MAP3K2: variants seen among roughly 807,000 people sequenced by gnomAD.
The protein encoded by MAP3K2 is MAP/ERK kinase kinase 2.
MAP3K2 carries 24 observed loss-of-function variants against 80.3 expected under a neutral mutation model. The ratio of observed to expected loss-of-function variants is 0.30; its 90% CI spans 0.22 to 0.42. The LOEUF is 0.42. Among genes scored for constraint, MAP3K2 ranks in the 10% least tolerant of loss-of-function variants. The probability of loss-of-function intolerance (pLI) is 1.00; values close to 1 mark genes in which losing one functional copy is unlikely to be tolerated. For synonymous variants in MAP3K2, 244 were observed against 253.7 expected (o/e 0.96, Z 0.36); for missense variants, 608 against 750.1 (o/e 0.81, Z 2.21).
Position 127,353,356 on chromosome 2 carries a change from G to A in MAP3K2, c.-65-10162C>T, listed in dbSNP as rs1366107539. Among the ~76,000 whole-genome samples, 13 of 151,676 alleles carry A rather than the reference G, an allele frequency of 8.6e-5. 1 individual carries two copies. Among genetic ancestry groups the A allele is most frequent in the African/African-American group, 2.7e-4 (11 of 41,220 alleles). On this transcript the variant is annotated intron_variant, in intron 1 of 16. Coordinates refer to ENST00000682094, the MANE Select transcript of MAP3K2 (RefSeq NM_001371910.2). ...AGCGCCTCCGCCCGGCCGTGACCCCGTCTGCGAGGTGAGGAGCATCTCCGC... is the reference window on the plus strand; with the variant it reads ...AGCGCCTCCGCCCGGCCGTGACCCCATCTGCGAGGTGAGGAGCATCTCCGC...
At chr2:127,353,827 G>T (rs1289551956) in intron 1 of MAP3K2, among the ~76,000 whole-genome samples, 2 of 152,214 alleles carry the variant, frequency 1.3e-5, no homozygotes, top group East Asian at 3.9e-4. Context: ...AAAAGATTGA[G>T]AAATCGGATG....
Position 127,325,798 on chromosome 2 carries a change from G to A in MAP3K2, c.607C>T (p.Pro203Ser), listed in dbSNP as rs1339666601. ...IPESMDQMLD[P>S]LSLSSPENSG... ...TTTTCAGGGCTGCTTAAAGATAATG[G>A]ATCCAGCATCTAGGAAAAAAAGGAG... Residue 203 changes from proline (P) to serine (S), a missense_variant, in exon 9 of 17, where the codon CCA (proline) becomes TCA (serine). By Grantham distance (74) the Pro-to-Ser change is moderately conservative (BLOSUM62 -1). This residue lies in a region of MAP3K2 where 467 missense variants were observed against 521.9 expected (regional missense o/e 0.89). Transcript: ENST00000682094. 1.2e-6 allele frequency: 2 copies of A among 1,612,050 alleles called. No individual in the cohort carries two copies. The highest frequency in any genetic ancestry group is 1.7e-6 in the Non-Finnish European group (2 of 1,178,732).
intron 1 of MAP3K2, among the ~76,000 whole-genome samples, chr2:127,350,183 A>G (rs1271968076): frequency 2.0e-5 from 3 of 152,140 alleles, no homozygotes; most frequent in Non-Finnish European, 2.9e-5. Flanking sequence ...GAAAGAAAGC[A>G]CATAAAGACT....
chr2:127,317,512 C>G, intron 14 of MAP3K2, 117 bp downstream of exon 14: 1 of 823,580 alleles, frequency 1.2e-6, no homozygotes, highest in Non-Finnish European at 1.8e-6. Context: ...ATTTAAAACT[C>G]TTCCAAAATG....
intron 3 of MAP3K2, among the ~76,000 whole-genome samples, chr2:127,338,365 T>C (rs1419026265): frequency 6.6e-6 from 1 of 152,168 alleles, no homozygotes; most frequent in Non-Finnish European, 1.5e-5. Context: ...CAGGGGTACA[T>C]GAGCAGTTTT....
chr2:127,334,951 A>G (rs1686336440), intron 5 of MAP3K2, among the ~76,000 whole-genome samples: 1 of 151,966 alleles, frequency 6.6e-6, no homozygotes, highest in South Asian at 2.1e-4. Flanking sequence ...TTGTATTTTT[A>G]GTAGAGATGG....
intron 1 of MAP3K2, among the ~76,000 whole-genome samples, chr2:127,362,847 C>T (rs1443472070): frequency 6.6e-6 from 1 of 152,144 alleles, no homozygotes; most frequent in Non-Finnish European, 1.5e-5. Context: ...AAATAGCTAA[C>T]ATTTATTAGG....
intron 1 of MAP3K2, among the ~76,000 whole-genome samples, chr2:127,360,833 T>C (rs1027217173): frequency 2.0e-5 from 3 of 152,216 alleles, no homozygotes; most frequent in African/African-American, 4.8e-5. Flanking sequence ...TATATCCTAA[T>C]TGCAAGTATT....
In MAP3K2 at chr2:127,310,519, G is replaced by A. The variant is rs779669054; in HGVS notation, c.1457-1757C>T. Among the ~76,000 whole-genome samples the A allele has an allele frequency of 6.6e-6, 1 of 152,160 alleles. No homozygotes were observed. Among genetic ancestry groups the A allele is most frequent in the Non-Finnish European group, 1.5e-5 (1 of 68,034 alleles). ...ACAAAAAAATTAGCTGGGCATGGTA[G>A]CATGTGCCTGCAGTCCCAGCTACTT... On this transcript the variant is annotated intron_variant, in intron 15 of 16. Transcript: ENST00000682094. The surrounding 1 kb of genome is among the most constrained non-coding windows in gnomAD (Gnocchi z 4.8).
In MAP3K2 at chr2:127,387,494, G is replaced by C; in HGVS notation, c.-108C>G. The C allele has an allele frequency of 2.0e-6, 2 of 984,992 alleles. No individual in the cohort carries two copies. Among genetic ancestry groups the C allele is most frequent in the Non-Finnish European group, 2.4e-6 (2 of 829,840 alleles). The allele number at this position is 984,992 out of a possible 1,614,324, so 61.0% of individuals were successfully genotyped here. On this transcript the variant is annotated 5_prime_UTR_variant, in exon 1 of 17. Transcript: ENST00000682094. ...CGTAGAGAGCCGCAGGCCCAAGGAG[G>C]GGCCGCCCCCGCCGAGCCCGCCCCT...
chr2:127,322,059 G>A lies in MAP3K2; in HGVS notation c.1032C>T (p.Ser344=), dbSNP rs748303413. ...TCTATTACTTACAACGGCTGGGTGG[G>A]CTGATGTCCATTACGGTCAAAGTAG... ...DNPTLTVMDI[S]PPSRSPRAPT... The change falls in exon 12 of 17, where the codon AGC becomes AGT. Residue 344 remains serine, a synonymous_variant. Transcript: ENST00000682094. The surrounding 1 kb of genome is among the most constrained non-coding windows in gnomAD (Gnocchi z 4.2). 17 of 1,613,044 alleles carry A rather than the reference G, an allele frequency of 1.1e-5. 1 individual carries two copies. The South Asian group carries it at 1.9e-4, about 18-fold the overall frequency.
intron 12 of MAP3K2, among the ~76,000 whole-genome samples, chr2:127,318,810 G>A (rs1685956866): frequency 6.6e-6 from 1 of 152,158 alleles, no homozygotes. Flanking sequence ...CAACTAACCT[G>A]AAATCTAAGG....
intron 13 of MAP3K2, among the ~76,000 whole-genome samples, 180 bp downstream of exon 13, chr2:127,317,989 T>A (rs1278604092): frequency 6.7e-6 from 1 of 148,630 alleles, no homozygotes; most frequent in Non-Finnish European, 1.5e-5. Flanking sequence ...AAATCCATAT[T>A]AAAAAATAGA....
intron 1 of MAP3K2, among the ~76,000 whole-genome samples, chr2:127,355,664 G>A (rs989803583): frequency 6.6e-6 from 1 of 152,044 alleles, no homozygotes; most frequent in Non-Finnish European, 1.5e-5. Flanking sequence ...TGAAGGTTGG[G>A]GTGACTAGGG....
At chr2:127,337,633 A>G in intron 4 of MAP3K2, 105 bp downstream of exon 4, 1 of 683,680 alleles carries the variant, frequency 1.5e-6, no homozygotes, top group Non-Finnish European at 2.5e-6. Flanking sequence ...CTCAATTTGT[A>G]AACCATGAAA....
Position 127,322,104 on chromosome 2 carries a change from CCTT to C in MAP3K2, c.984_986del (p.Arg329del). 5 of 1,613,778 alleles carry C rather than the reference CCTT, an allele frequency of 3.1e-6. No homozygotes were observed. The highest frequency in any genetic ancestry group is 2.2e-5 in the South Asian group (2 of 91,040). On this transcript the variant is annotated inframe_deletion, in exon 12 of 17. Coordinates refer to ENST00000682094, the MANE Select transcript of MAP3K2 (RefSeq NM_001371910.2). This position sits in a 1 kb window ranked among gnomAD's most constrained non-coding sequence, Gnocchi z 4.2. ...AAGTAGGATTGTCTATGTCACTTCC[CCTT>C]CTTCTTATTCGACTATCATCATACT...
In MAP3K2 at chr2:127,387,768, G is replaced by A. The variant is rs1687397940; in HGVS notation, c.-382C>T. ...CCGCGGGAACTGGGCAGGAAAGGAG[G>A]AAGCCGCGGGCCCGCGTCGCTAGAG... On this transcript the variant is annotated 5_prime_UTR_variant, in exon 1 of 17. Coordinates refer to ENST00000682094, the MANE Select transcript of MAP3K2 (RefSeq NM_001371910.2). The A allele has an allele frequency of 2.0e-6, 2 of 985,212 alleles. No individual in the cohort carries two copies. The highest frequency in any genetic ancestry group is 2.4e-6 in the Non-Finnish European group (2 of 829,814). 61.0% of individuals were successfully genotyped at this position (985,212 alleles called of 1,614,324 possible).
chr2:127,309,102 A>G (rs964345438), intron 15 of MAP3K2, among the ~76,000 whole-genome samples: 1 of 152,172 alleles, frequency 6.6e-6, no homozygotes, highest in African/African-American at 2.4e-5. Context: ...GAAAGCCCCC[A>G]GTTTCTCTAT....
At chr2:127,378,671 A>G (rs1225818622) in intron 1 of MAP3K2, among the ~76,000 whole-genome samples, 1 of 152,218 alleles carries the variant, frequency 6.6e-6, no homozygotes, top group Non-Finnish European at 1.5e-5. Flanking sequence ...AGGTGAATCA[A>G]CTGTAAAAGA....
Sources: allele counts gnomAD v4.1 joint callset (sites outside exome capture counted in the v4.1 genomes callset), GRCh38; gene constraint gnomAD v4.1.1; regional missense constraint gnomAD v4.1.1; non-coding constraint Gnocchi (gnomAD v3.1); transcripts MANE v1.5; gene names NCBI Gene and HGNC (gene_info 2026-07-23, HGNC 2026-07-21).